Variants in STK38L observed in about 807,000 individuals in gnomAD.
The protein encoded by STK38L is serine/threonine-protein kinase 38-like.
STK38L carries 28 observed loss-of-function variants against 59.7 expected under a neutral mutation model. The ratio of observed to expected loss-of-function variants is 0.47; its 90% CI spans 0.35 to 0.64. STK38L has a LOEUF of 0.64. Among genes scored for constraint, STK38L ranks in the 30% least tolerant of loss-of-function variants. The pLI is 0.01. For missense variants in STK38L, 314 were observed against 555.8 expected, an observed-to-expected ratio of 0.56 and a Z score of 4.37; for synonymous variants, 162 against 176.8, an observed-to-expected ratio of 0.92 and a Z score of 0.66.
intron 1 of STK38L, among the ~76,000 whole-genome samples, chr12:27,284,181 A>C (rs749508307): frequency 6.6e-6 from 1 of 152,220 alleles, no homozygotes; most frequent in Non-Finnish European, 1.5e-5. Flanking sequence ...TAGATGCTAC[A>C]TAATCCAGGA....
At chr12:27,247,421 A>T (rs976804325) in intron 1 of STK38L, among the ~76,000 whole-genome samples, 1 of 152,218 alleles carries the variant, frequency 6.6e-6, no homozygotes, top group Non-Finnish European at 1.5e-5. Context: ...CATTCTTCTG[A>T]CATCTAAATT....
At chr12:27,246,835 A>G (rs1047885875) in intron 1 of STK38L, among the ~76,000 whole-genome samples, 3 of 152,150 alleles carry the variant, frequency 2.0e-5, no homozygotes, top group East Asian at 3.9e-4. Context: ...GAGGGAGAGA[A>G]ATGAAAGGCA....
chr12:27,323,329 T>C lies in STK38L; in HGVS notation c.*874T>C, dbSNP rs1447852508. On this transcript the variant is annotated 3_prime_UTR_variant, in exon 14 of 14. Transcript: ENST00000389032. ...GAATTTAAGACATGACCATGAAGGC[T>C]GCTTGTAGAATTAGTGTATTTTTAT... 1 of 152,530 alleles carries C rather than the reference T, an allele frequency of 6.6e-6. No homozygotes were observed. The highest frequency in any genetic ancestry group is 1.5e-5 in the Non-Finnish European group (1 of 67,994). The allele number at this position is 152,530 out of a possible 1,614,324, so 9.4% of individuals were successfully genotyped here. A position where few individuals can be genotyped will look rare whatever the true frequency, so the allele number is the denominator to read the frequency against.
Position 27,308,310 on chromosome 12 carries a change from C to A in STK38L, c.187-29C>A. ...CATCAAAACAACCTAATTATAAAAT[C>A]ATCCGTTTAAATTGTTTTTTTTTAA... On this transcript the variant is annotated intron_variant, in intron 3 of 13. Transcript: ENST00000389032. The surrounding 1 kb of genome is among the most constrained non-coding windows in gnomAD (Gnocchi z 4.5). 6.7e-7 allele frequency: 1 copy of A among 1,494,124 alleles called. No individual in the cohort carries two copies. The highest frequency in any genetic ancestry group is 1.3e-5 in the South Asian group (1 of 75,578). The allele number at this position is 1,494,124 out of a possible 1,614,324, so 92.6% of individuals were successfully genotyped here. A position where few individuals can be genotyped will look rare whatever the true frequency, so the allele number is the denominator to read the frequency against.
At chr12:27,291,277 C>T in intron 1 of STK38L, among the ~76,000 whole-genome samples, 1 of 152,174 alleles carries the variant, frequency 6.6e-6, no homozygotes, top group East Asian at 1.9e-4. Context: ...CAAATATACT[C>T]AGTCTATCGG....
Position 27,319,430 on chromosome 12 carries a change from T to G in STK38L, c.1175+7T>G, listed in dbSNP as rs377755447. The stretch of plus-strand genomic sequence containing the variant: ...TCGACTGGGAGCACATAAGGTATGT[T>G]CCTAGGCTTTGAATGGGAAAGGTCT... On this transcript the variant is annotated splice_region_variant and intron_variant, in intron 12 of 13. Coordinates refer to ENST00000389032, the MANE Select transcript of STK38L (RefSeq NM_015000.4). 5 of 1,604,630 alleles carry G rather than the reference T, an allele frequency of 3.1e-6. No homozygotes were observed. Among genetic ancestry groups the G allele is most frequent in the Non-Finnish European group, 4.3e-6 (5 of 1,174,418 alleles).
At chr12:27,313,547 A>G (rs1374606338) in intron 6 of STK38L, among the ~76,000 whole-genome samples, 1 of 151,852 alleles carries the variant, frequency 6.6e-6, no homozygotes, top group African/African-American at 2.4e-5. Context: ...ATGCCCAGCT[A>G]ATTTTTTTTG....
intron 1 of STK38L, among the ~76,000 whole-genome samples, chr12:27,260,592 A>G (rs546362896): frequency 6.6e-6 from 1 of 152,210 alleles, no homozygotes; most frequent in African/African-American, 2.4e-5. Flanking sequence ...TTCTTACTGC[A>G]TACCTCTGCT....
intron 1 of STK38L, among the ~76,000 whole-genome samples, chr12:27,250,827 C>G (rs61915864): frequency 6.6e-6 from 1 of 151,646 alleles, no homozygotes; most frequent in Non-Finnish European, 1.5e-5. Context: ...GGCCAAACCT[C>G]GTCTCTACTA....
At chr12:27,300,534 T>C (rs1258545891) in intron 2 of STK38L, 1 of 456,054 alleles carries the variant, frequency 2.2e-6, no homozygotes, top group Admixed American at 2.3e-5. Flanking sequence ...GTCCTCTTAC[T>C]CTCTGGATTC....
intron 3 of STK38L, among the ~76,000 whole-genome samples, chr12:27,307,676 C>G (rs143488118): frequency 0.011 from 1,676 of 152,270 alleles, 36 homozygotes; most frequent in African/African-American, 0.038. Context: ...AATACCTGTT[C>G]CAAATGTAAC....
chr12:27,268,761 A>C (rs375808165), intron 1 of STK38L, among the ~76,000 whole-genome samples: 79 of 152,074 alleles, frequency 5.2e-4, no homozygotes, highest in South Asian at 6.2e-4. Flanking sequence ...CCTATTTCTC[A>C]ACATCCTCTC....
Position 27,308,869 on chromosome 12 carries a change from A to T in STK38L, c.310-245A>T, listed in dbSNP as rs924129550. Among the ~76,000 whole-genome samples the T allele has an allele frequency of 3.6e-4, 45 of 126,726 alleles. No homozygotes were observed. The highest frequency in any genetic ancestry group is 9.1e-4 in the South Asian group (4 of 4,412). 83.1% of individuals were successfully genotyped at this position (126,726 alleles called of 152,430 possible). A position where few individuals can be genotyped will look rare whatever the true frequency, so the allele number is the denominator to read the frequency against. ...ATGTATATATAAAAAAATATATATAAATATAAATATATATAAATGTAAATA... is the reference window on the plus strand; with the variant it reads ...ATGTATATATAAAAAAATATATATATATATAAATATATATAAATGTAAATA... On this transcript the variant is annotated intron_variant, in intron 4 of 13. Transcript: ENST00000389032. The surrounding 1 kb of genome is among the most constrained non-coding windows in gnomAD (Gnocchi z 4.5).
At chr12:27,318,812 A>C (rs1211894436) in intron 11 of STK38L, among the ~76,000 whole-genome samples, 1 of 152,178 alleles carries the variant, frequency 6.6e-6, no homozygotes, top group Non-Finnish European at 1.5e-5. Flanking sequence ...TAACATGGTG[A>C]AACCCCGTCT....
At chr12:27,271,367 G>C (rs1359861638) in intron 1 of STK38L, among the ~76,000 whole-genome samples, 5 of 152,208 alleles carry the variant, frequency 3.3e-5, no homozygotes, top group Non-Finnish European at 5.9e-5. Context: ...GTACTTTTAA[G>C]GAAGGAGCAA....
chr12:27,279,365 G>A (rs770552459), intron 1 of STK38L, among the ~76,000 whole-genome samples: 1 of 152,234 alleles, frequency 6.6e-6, no homozygotes, highest in South Asian at 2.1e-4. Flanking sequence ...TGTTTCTGGT[G>A]CAAAAGCTCT....
chr12:27,269,381 G>C (rs1312921720), intron 1 of STK38L, among the ~76,000 whole-genome samples: 1 of 152,118 alleles, frequency 6.6e-6, no homozygotes, highest in Non-Finnish European at 1.5e-5. Context: ...ATAGGGAATT[G>C]TTTCCCCATT....
intron 1 of STK38L, among the ~76,000 whole-genome samples, chr12:27,285,296 CT>C (rs1185641453): frequency 2.6e-5 from 4 of 152,138 alleles, no homozygotes; most frequent in African/African-American, 9.7e-5. Context: ...CTGAGAAATG[CT>C]TACAACTCTC....
chr12:27,255,054 A>C (rs12579428), intron 1 of STK38L, among the ~76,000 whole-genome samples: 7,105 of 152,318 alleles, frequency 0.047, 567 homozygotes, highest in East Asian at 0.39. Flanking sequence ...AGAAAAGGAG[A>C]CAGAAATCAA....
Sources: allele counts gnomAD v4.1 joint callset (sites outside exome capture counted in the v4.1 genomes callset), GRCh38; gene constraint gnomAD v4.1.1; non-coding constraint Gnocchi (gnomAD v3.1); transcripts MANE v1.5; gene names NCBI Gene and HGNC (gene_info 2026-07-23, HGNC 2026-07-21).